UNC13A: variants seen among roughly 807,000 people sequenced by gnomAD.
The protein encoded by UNC13A is protein unc-13 homolog A.
Under a neutral mutation model 219.7 loss-of-function variants are expected in UNC13A, and 61 were observed. The ratio of observed to expected loss-of-function variants is 0.28; its 90% confidence interval spans 0.23 to 0.34. The LOEUF is 0.34. Among genes scored for constraint, UNC13A ranks in the 10% least tolerant of loss-of-function variants. The pLI is 1.00. For synonymous variants in UNC13A, 920 were observed against 884.6 expected, an observed-to-expected ratio of 1.04 and a Z score of -0.71; for missense variants, 1,476 against 2,270.3, an observed-to-expected ratio of 0.65 and a Z score of 7.11.
At chr19:17,663,026 T>A (rs2079578659) in intron 8 of UNC13A, among the ~76,000 whole-genome samples, 1 of 150,564 alleles carries the variant, frequency 6.6e-6, no homozygotes, top group South Asian at 2.1e-4. Flanking sequence ...GAGGTGTGAG[T>A]GTGGGTGGAC....
intron 19 of UNC13A, 80 bp downstream of exon 19, chr19:17,645,594 C>G: frequency 6.3e-7 from 1 of 1,577,102 alleles, no homozygotes; most frequent in Non-Finnish European, 8.6e-7. Context: ...GAACACATCT[C>G]TCTGCTCTTC....
chr19:17,659,630 G>A (rs1276731790), intron 8 of UNC13A, among the ~76,000 whole-genome samples: 2 of 151,958 alleles, frequency 1.3e-5, no homozygotes, highest in African/African-American at 4.8e-5. Flanking sequence ...TTAGCTGGGC[G>A]TGGTGGTGGG....
intron 34 of UNC13A, among the ~76,000 whole-genome samples, chr19:17,625,330 A>G (rs1815758631): frequency 6.6e-6 from 1 of 152,142 alleles, no homozygotes; most frequent in African/African-American, 2.4e-5. Context: ...ATGAGGGAGA[A>G]GGCCATGCCC....
chr19:17,630,624 A>T, intron 29 of UNC13A, 30 bp downstream of exon 29: 2 of 1,611,674 alleles, frequency 1.2e-6, no homozygotes, highest in Non-Finnish European at 1.7e-6. Flanking sequence ...TGGGAAGATT[A>T]GGAACTTGGT....
At chr19:17,633,875 A>T (rs1257260982) in intron 26 of UNC13A, among the ~76,000 whole-genome samples, 3 of 145,958 alleles carry the variant, frequency 2.1e-5, no homozygotes, top group African/African-American at 7.7e-5. Flanking sequence ...CCATCTATCT[A>T]TTCATCTATC....
At chr19:17,617,989 C>A in intron 40 of UNC13A, 140 bp from the exon 41 acceptor site, 1 of 1,193,424 alleles carries the variant, frequency 8.4e-7, no homozygotes, top group Admixed American at 2.4e-5. Context: ...CTAGTGAACT[C>A]CTATGCATTC....
intron 10 of UNC13A, among the ~76,000 whole-genome samples, chr19:17,655,589 C>T (rs1222911755): frequency 1.3e-5 from 2 of 152,166 alleles, no homozygotes; most frequent in African/African-American, 4.8e-5. Flanking sequence ...CTTCACTGTT[C>T]CTCGGCTTCC....
At chr19:17,680,869 C>CTTTTT (rs71162171) in intron 1 of UNC13A, among the ~76,000 whole-genome samples, 6 of 106,444 alleles carry the variant, frequency 5.6e-5, no homozygotes, top group Admixed American at 4.0e-4. Context: ...TCTTCTTCTT[C>CTTTTT]TTTTTTTTTC....
chr19:17,637,520 G>A (rs551664654), intron 25 of UNC13A, among the ~76,000 whole-genome samples: 10 of 152,038 alleles, frequency 6.6e-5, no homozygotes, highest in South Asian at 2.1e-4. Flanking sequence ...GGATGGTCTC[G>A]ATCTCCTGAC....
intron 28 of UNC13A, among the ~76,000 whole-genome samples, chr19:17,631,211 CCTTCCTTCCTT>C (rs1196789835): frequency 1.7e-5 from 1 of 57,728 alleles, no homozygotes; most frequent in Non-Finnish European, 3.9e-5. Context: ...TCCCTTCCTT[CCTTCCTTCCTT>C]CTTCCTTCCT....
chr19:17,610,200 T>C, intron 42 of UNC13A, 101 bp from the exon 43 acceptor site: 1 of 1,517,378 alleles, frequency 6.6e-7, no homozygotes, highest in Non-Finnish European at 9.0e-7. Flanking sequence ...GCGCAGTGGC[T>C]CACGCTTGTA....
intron 43 of UNC13A, among the ~76,000 whole-genome samples, chr19:17,608,844 T>G (rs945226905): frequency 2.6e-5 from 4 of 151,522 alleles, no homozygotes; most frequent in African/African-American, 7.3e-5. Flanking sequence ...AGAGATGGAG[T>G]TTCACCATGT....
Position 17,668,018 on chromosome 19 carries a change from AAG to A in UNC13A, c.468+97_468+98del, listed in dbSNP as rs2079693035. 3 of 1,246,450 alleles carry A rather than the reference AAG, an allele frequency of 2.4e-6. No individual in the cohort carries two copies. In the African/African-American group the frequency reaches 4.5e-5, roughly 19 times the overall value. The allele number at this position is 1,246,450 out of a possible 1,614,324, so 77.2% of individuals were successfully genotyped here. A position where few individuals can be genotyped will look rare whatever the true frequency, so the allele number is the denominator to read the frequency against. Reference sequence around the variant, plus strand: ...AGAGTTAGAAACAGAGATGCAGGGAAAGACAAGCTTAGAGAGAAACAGCATCT... The same window carrying A: ...AGAGTTAGAAACAGAGATGCAGGGAAACAAGCTTAGAGAGAAACAGCATCT... On this transcript the variant is annotated intron_variant, in intron 6 of 43. Transcript: ENST00000519716.
chr19:17,607,881 T>A (rs1006141436), intron 43 of UNC13A, among the ~76,000 whole-genome samples: 2 of 145,896 alleles, frequency 1.4e-5, no homozygotes, highest in Non-Finnish European at 3.0e-5. Context: ...ACAGACTTTT[T>A]TTTTTTTTTT....
intron 1 of UNC13A, among the ~76,000 whole-genome samples, chr19:17,683,733 C>A (rs115213253): frequency 6.6e-6 from 1 of 151,988 alleles, no homozygotes; most frequent in Non-Finnish European, 1.5e-5. Flanking sequence ...GTGAAGCAAA[C>A]CCACCCTCAC....
chr19:17,650,689 G>A (rs1480817386), intron 12 of UNC13A, among the ~76,000 whole-genome samples: 1 of 151,634 alleles, frequency 6.6e-6, no homozygotes, highest in Non-Finnish European at 1.5e-5. Flanking sequence ...TGTTGGCCAG[G>A]CTGGTCTCGA....
Position 17,649,247 on chromosome 19 carries a change from C to T in UNC13A, c.1524+92G>A, listed in dbSNP as rs2079299464. On this transcript the variant is annotated intron_variant, in intron 14 of 43. Coordinates refer to ENST00000519716, the MANE Select transcript of UNC13A (RefSeq NM_001080421.3). This position sits in a 1 kb window ranked among gnomAD's most constrained non-coding sequence, Gnocchi z 4.4. ...AACACAGTGGGACATGGCAAGGTTC[C>T]CCCATAATCCATGAATTGGGGGCCT... is the stretch of plus-strand genomic sequence containing the variant. 1.3e-6 allele frequency: 2 copies of T among 1,528,356 alleles called. No individual in the cohort carries two copies. Among genetic ancestry groups the T allele is most frequent in the Non-Finnish European group, 1.8e-6 (2 of 1,139,296 alleles). 94.7% of individuals were successfully genotyped at this position (1,528,356 alleles called of 1,614,324 possible). A position where few individuals can be genotyped will look rare whatever the true frequency, so the allele number is the denominator to read the frequency against.
chr19:17,655,080 A>G (rs955297838), intron 11 of UNC13A, among the ~76,000 whole-genome samples, 194 bp downstream of exon 11: 1 of 152,188 alleles, frequency 6.6e-6, no homozygotes, highest in Non-Finnish European at 1.5e-5. Flanking sequence ...GGGTGGGGCC[A>G]GGGAAGGGCT....
At position 17,606,262 on chromosome 19, in the gene UNC13A, AG is replaced by A. The variant is rs2076527477; in HGVS notation, c.4903del (p.Leu1635TrpfsTer51). 3 of 1,547,426 alleles carry A rather than the reference AG, an allele frequency of 1.9e-6. No individual in the cohort carries two copies. The highest frequency in any genetic ancestry group is 2.5e-5 in the East Asian group (1 of 40,532). ...CAGCTCACGCAGCTGCAGCACGGCC[AG>A]CCCCACCGTGCGGTCCTCGCGCGCG... Reference protein sequence around the residue: ...CFAREDRTVGLAVLQLRELAQ... With the variant: ...CFAREDRTVGXAVLQLRELAQ... On this transcript the variant is annotated frameshift_variant, in exon 44 of 44. Coordinates refer to ENST00000519716, the MANE Select transcript of UNC13A (RefSeq NM_001080421.3). LOFTEE classifies it low-confidence loss of function (END_TRUNC).
Sources: gnomAD v4.1 joint callset for allele counts (sites outside exome capture counted in the v4.1 genomes callset) on GRCh38, gnomAD v4.1.1 for gene constraint, Gnocchi (gnomAD v3.1) non-coding constraint, MANE v1.5 for transcripts, NCBI Gene and HGNC (gene_info 2026-07-23, HGNC 2026-07-21) for gene names.